MGAM2: variants seen among roughly 807,000 people sequenced by gnomAD.
MGAM2 encodes probable maltase-glucoamylase 2.
MGAM2 carries 98 observed loss-of-function variants against 96.1 expected under a neutral mutation model. The ratio of observed to expected loss-of-function variants is 1.02; its 90% CI spans 0.87 to 1.21. MGAM2 has a LOEUF of 1.21. Ranked by LOEUF, MGAM2 falls within the 50% of genes most tolerant of loss-of-function variation. The pLI, the probability that MGAM2 is intolerant of heterozygous loss-of-function variation, is 0.00. For synonymous variants in MGAM2, 749 were observed against 414.8 expected (o/e 1.81, Z -9.79); for missense variants, 2,055 against 1,182.4 (o/e 1.74, Z -10.82).
chr7:142,164,795 T>C, intron 23 of MGAM2, 61 bp from the exon 24 acceptor site: 1 of 597,252 alleles, frequency 1.7e-6, no homozygotes, highest in Non-Finnish European at 3.0e-6. Flanking sequence ...TGACTGGTAT[T>C]TGGGGATAAT....
At chr7:142,194,777 A>T (rs1164566830) in intron 37 of MGAM2, among the ~76,000 whole-genome samples, 2 of 151,512 alleles carry the variant, frequency 1.3e-5, no homozygotes, top group African/African-American at 4.9e-5. Context: ...ATTGGAAATA[A>T]CCCAAATGGA....
intron 10 of MGAM2, among the ~76,000 whole-genome samples, chr7:142,138,942 C>T (rs1403389486): frequency 6.6e-6 from 1 of 152,168 alleles, no homozygotes; most frequent in East Asian, 1.9e-4. Context: ...CCTTAGTTTC[C>T]ACCTTTATAG....
At chr7:142,111,995 AGACTGTGTGT>A (rs1393258881) in intron 1 of MGAM2, among the ~76,000 whole-genome samples, 188 bp downstream of exon 1, 2 of 122,198 alleles carry the variant, frequency 1.6e-5, no homozygotes, top group African/African-American at 6.4e-5. Context: ...TGGAGAGGAG[AGACTGTGTGT>A]GTGTGTGTGT....
At chr7:142,142,029 G>A (rs1026856226) in intron 12 of MGAM2, among the ~76,000 whole-genome samples, 2 of 152,160 alleles carry the variant, frequency 1.3e-5, no homozygotes, top group Non-Finnish European at 2.9e-5. Flanking sequence ...GAGAGTTCAC[G>A]TGACTGCAGA....
rs1470619778 is a variant in MGAM2, at chr7:142,208,624, TA to T, written c.5187+4del. 1.4e-5 allele frequency: 10 copies of T among 702,590 alleles called. No individual in the cohort carries two copies. Among genetic ancestry groups the T allele is most frequent in the Admixed American group, 1.4e-4 (7 of 49,952 alleles). 43.5% of individuals were successfully genotyped at this position (702,590 alleles called of 1,614,324 possible). A position where few individuals can be genotyped will look rare whatever the true frequency, so the allele number is the denominator to read the frequency against. On this transcript the variant is annotated splice_donor_region_variant and intron_variant, in intron 46 of 47. Transcript: ENST00000477922. ...TTGGCAAACTTTATAGCAGCTCAGG[TA>T]AGACTAATTTACTACATTTTACAAA... is the stretch of plus-strand genomic sequence containing the variant.
rs1796240068 is a variant in MGAM2 at position 142,172,842 on chromosome 7, C to G, written c.3561+78C>G. The G allele has an allele frequency of 5.0e-6, 3 of 596,758 alleles. No homozygotes were observed. The Admixed American group carries it at 9.0e-5, about 18-fold the overall frequency. 37.0% of individuals were successfully genotyped at this position (596,758 alleles called of 1,614,324 possible). On this transcript the variant is annotated intron_variant, in intron 30 of 47. Transcript: ENST00000477922. ...CCACATTATTAGCACTGAGATAGGG[C>G]AGTTTTTTCTTTTGACTCTTGAGTG...
Position 142,189,490 on chromosome 7 carries a change from C to A in MGAM2, c.4331C>A (p.Thr1444Asn). ...NVHNLYGWSQ[T>N]RPTYEAVQEV... ...CACAACCTGTACGGGTGGTCCCAGA[C>A]CAGACCCACATACGAGTGAGTGTCT... The change falls in exon 37 of 48, where the codon ACC (threonine) becomes AAC (asparagine). Residue 1444 changes from threonine (T) to asparagine (N), a missense_variant. Coordinates refer to ENST00000477922, the MANE Select transcript of MGAM2 (RefSeq NM_001293626.2). The A allele has an allele frequency of 1.2e-6, 1 of 853,690 alleles. No homozygotes were observed. Among genetic ancestry groups the A allele is most frequent in the Non-Finnish European group, 1.9e-6 (1 of 517,642 alleles). 52.9% of individuals were successfully genotyped at this position (853,690 alleles called of 1,614,324 possible).
intron 1 of MGAM2, among the ~76,000 whole-genome samples, chr7:142,113,321 G>T (rs969502706): frequency 2.0e-5 from 3 of 152,098 alleles, no homozygotes; most frequent in African/African-American, 4.8e-5. Flanking sequence ...GTTAGGACGT[G>T]CCATGAAGAC....
chr7:142,140,055 G>A (rs117384634), intron 10 of MGAM2, among the ~76,000 whole-genome samples: 4 of 152,218 alleles, frequency 2.6e-5, no homozygotes, highest in East Asian at 3.9e-4. Flanking sequence ...CTGTAAGGTC[G>A]AGACTCCTAC....
At chr7:142,206,128 T>C (rs1797392002) in intron 45 of MGAM2, among the ~76,000 whole-genome samples, 1 of 152,210 alleles carries the variant, frequency 6.6e-6, no homozygotes, top group South Asian at 2.1e-4. Flanking sequence ...AATTTTCATT[T>C]CTATTGCCTT....
In MGAM2 at chr7:142,167,289, C is replaced by G. The variant is rs1490168926; in HGVS notation, c.2830C>G (p.Pro944Ala). 7.1e-6 allele frequency: 5 copies of G among 699,306 alleles called. No homozygotes were observed. The highest frequency in any genetic ancestry group is 1.3e-5 in the Non-Finnish European group (5 of 382,782). The allele number at this position is 699,306 out of a possible 1,614,324, so 43.3% of individuals were successfully genotyped here. ...LWEDTSTPGV[P>A]TCYYDTIPNY... ...CCAGGACACATCTACTCCTGGAGTG[C>G]CCACCTGTTACTATGACACCATCCC... Residue 944 changes from proline to alanine, a missense_variant, in exon 26 of 48, where the codon CCC becomes GCC. Pro to Ala is a conservative substitution (Grantham distance 27). Coordinates refer to ENST00000477922, the MANE Select transcript of MGAM2 (RefSeq NM_001293626.2).
In MGAM2 at chr7:142,196,183, G is replaced by C; in HGVS notation, c.4376G>C (p.Gly1459Ala). ...GTGCAGGAGGTGACAGGACAGCGAG[G>C]GGTCATCATCACCCGCTCCACATTT... ...EAVQEVTGQR[G>A]VIITRSTFPS... Residue 1459 changes from glycine (G) to alanine (A), a missense_variant, in exon 38 of 48, where the codon GGG becomes GCG. Physicochemically the swap from Gly to Ala is moderately conservative, Grantham distance 60. Transcript: ENST00000477922. 8.3e-7 allele frequency: 1 copy of C among 1,202,976 alleles called. No homozygotes were observed. The highest frequency in any genetic ancestry group is 1.2e-6 in the Non-Finnish European group (1 of 827,078). 74.5% of individuals were successfully genotyped at this position (1,202,976 alleles called of 1,614,324 possible).
chr7:142,157,180 T>C (rs2046188643), intron 17 of MGAM2, among the ~76,000 whole-genome samples: 1 of 152,180 alleles, frequency 6.6e-6, no homozygotes, highest in African/African-American at 2.4e-5. Context: ...CAGACCATGG[T>C]GGCAGGCAAT....
chr7:142,146,251 T>A (rs1795383155), intron 14 of MGAM2, among the ~76,000 whole-genome samples: 1 of 151,012 alleles, frequency 6.6e-6, no homozygotes, highest in South Asian at 2.1e-4. Flanking sequence ...TATCACTTTC[T>A]GCTTGCTTGT....
chr7:142,160,322 GA>G (rs1795852520), intron 21 of MGAM2, 64 bp downstream of exon 21: 1 of 589,198 alleles, frequency 1.7e-6, no homozygotes, highest in South Asian at 2.1e-5. Flanking sequence ...GGCATTATGA[GA>G]AAGACAAATA....
intron 45 of MGAM2, among the ~76,000 whole-genome samples, chr7:142,203,252 T>C (rs557563936): frequency 6.6e-6 from 1 of 152,322 alleles, no homozygotes; most frequent in South Asian, 2.1e-4. Flanking sequence ...GATAGCTTTT[T>C]TCACTGTGAA....
intron 36 of MGAM2, 30 bp from the exon 37 acceptor site, chr7:142,189,336 GT>G: frequency 1.5e-6 from 1 of 650,368 alleles, no homozygotes; most frequent in Non-Finnish European, 2.8e-6. Context: ...AAATCATGTT[GT>G]TTAGGAAATA....
intron 44 of MGAM2, among the ~76,000 whole-genome samples, chr7:142,199,500 G>T (rs1205634508): frequency 6.6e-6 from 1 of 152,136 alleles, no homozygotes; most frequent in South Asian, 2.1e-4. Context: ...TAAAACTCCA[G>T]CAGGTTAGGA....
In MGAM2 at chr7:142,148,670, T is replaced by G. The variant is rs1795462209; in HGVS notation, c.1634+1097T>G. Among the ~76,000 whole-genome samples, 1 of 152,150 alleles carries G rather than the reference T, an allele frequency of 6.6e-6. No individual in the cohort carries two copies. The highest frequency in any genetic ancestry group is 1.5e-5 in the Non-Finnish European group (1 of 68,020). On this transcript the variant is annotated intron_variant, in intron 15 of 47. Coordinates refer to ENST00000477922, the MANE Select transcript of MGAM2 (RefSeq NM_001293626.2). This position sits in a 1 kb window ranked among gnomAD's most constrained non-coding sequence, Gnocchi z 4.2. ...GAAAATTTGGGGCCAGGCTTAAGAT[T>G]TTAATTTGAATTTGCAGCACAGATG...
Sources: allele counts gnomAD v4.1 joint callset (sites outside exome capture counted in the v4.1 genomes callset), GRCh38; gene constraint gnomAD v4.1.1; non-coding constraint Gnocchi (gnomAD v3.1); transcripts MANE v1.5; gene names NCBI Gene and HGNC (gene_info 2026-07-23, HGNC 2026-07-21).